CCDC148: variants seen among roughly 807,000 people sequenced by gnomAD.
CCDC148 encodes coiled-coil domain containing 148.
A neutral mutation model predicts 85.7 loss-of-function variants in CCDC148; 89 were observed. The ratio of observed to expected loss-of-function variants is 1.04; its 90% CI spans 0.87 to 1.24. CCDC148 has a LOEUF of 1.24. Among genes scored for constraint, CCDC148 ranks in the 50% most tolerant of loss-of-function variants. CCDC148 has a pLI of 0.00. For synonymous variants in CCDC148, 230 were observed against 213.9 expected (o/e 1.08, Z -0.66); for missense variants, 692 against 671.7 (o/e 1.03, Z -0.33).
intron 1 of CCDC148, among the ~76,000 whole-genome samples, chr2:158,376,990 G>C (rs1181143016): frequency 6.6e-6 from 1 of 151,930 alleles, no homozygotes; most frequent in East Asian, 1.9e-4. Context: ...TGAGGAGAGG[G>C]GCTGAATGGG....
At chr2:158,324,985 C>T (rs1376163503) in intron 7 of CCDC148, among the ~76,000 whole-genome samples, 1 of 151,900 alleles carries the variant, frequency 6.6e-6, no homozygotes, top group African/African-American at 2.4e-5. Flanking sequence ...CCTTACAACT[C>T]CAAGGCATCA....
chr2:158,369,523 A>T (rs779319157), intron 1 of CCDC148, among the ~76,000 whole-genome samples: 1 of 152,166 alleles, frequency 6.6e-6, no homozygotes, highest in African/African-American at 2.4e-5. Flanking sequence ...ATGATTTTGT[A>T]TCCTGAGACT....
Position 158,353,146 on chromosome 2 carries a change from G to T in CCDC148, c.147+5303C>A, listed in dbSNP as rs1441780873. ...CATGCCAAAATGTAAAGACCATCGA[G>T]ACTAGGAAGAAACTGCATCAACTAA... is the stretch of plus-strand genomic sequence containing the variant. On this transcript the variant is annotated intron_variant, in intron 2 of 13. Transcript: ENST00000283233. Among the ~76,000 whole-genome samples the T allele has an allele frequency of 1.3e-3, 184 of 146,764 alleles. 1 individual carries two copies. Among genetic ancestry groups the T allele is most frequent in the Non-Finnish European group, 2.1e-3 (142 of 67,172 alleles).
chr2:158,207,278 C>G lies in CCDC148; in HGVS notation c.1370+13317G>C, dbSNP rs188401751. ...AGATAGCCAATTGAAGACTCCACTACAGAACGAACTGGGAAGCAATATTTT... is the reference window on the plus strand; with the variant it reads ...AGATAGCCAATTGAAGACTCCACTAGAGAACGAACTGGGAAGCAATATTTT... On this transcript the variant is annotated intron_variant, in intron 11 of 13. Transcript: ENST00000283233. Among the ~76,000 whole-genome samples, 42 of 152,254 alleles carry G rather than the reference C, an allele frequency of 2.8e-4. 1 individual carries two copies. Among genetic ancestry groups the G allele is most frequent in the African/African-American group, 9.9e-4 (41 of 41,556 alleles).
At chr2:158,276,147 C>A (rs1045136856) in intron 9 of CCDC148, among the ~76,000 whole-genome samples, 1 of 152,130 alleles carries the variant, frequency 6.6e-6, no homozygotes, top group Non-Finnish European at 1.5e-5. Context: ...GCATTAAAAA[C>A]CGCCTTGCCT....
At chr2:158,382,013 C>T (rs530124743) in intron 1 of CCDC148, among the ~76,000 whole-genome samples, 26 of 152,220 alleles carry the variant, frequency 1.7e-4, no homozygotes, top group African/African-American at 6.0e-4. Flanking sequence ...ATGAGGGCTT[C>T]TTTCTTCTGA....
chr2:158,284,339 T>TA (rs963215700), intron 9 of CCDC148, among the ~76,000 whole-genome samples: 1 of 151,912 alleles, frequency 6.6e-6, no homozygotes, highest in African/African-American at 2.4e-5. Flanking sequence ...TCTGCTAAAC[T>TA]AAAAAATAAC....
chr2:158,361,126 A>G (rs1298365770), intron 1 of CCDC148, among the ~76,000 whole-genome samples: 2 of 152,012 alleles, frequency 1.3e-5, no homozygotes, highest in Admixed American at 1.3e-4. Context: ...GATTAGAGAA[A>G]AGAGAATGAA....
At chr2:158,434,053 T>C (rs577386018) in intron 1 of CCDC148, among the ~76,000 whole-genome samples, 107 of 152,252 alleles carry the variant, frequency 7.0e-4, no homozygotes, top group Non-Finnish European at 1.1e-3. Context: ...GCACAGCCTA[T>C]CTGAGCAAAA....
At chr2:158,287,152 T>G (rs1690665073) in intron 9 of CCDC148, among the ~76,000 whole-genome samples, 1 of 152,150 alleles carries the variant, frequency 6.6e-6, no homozygotes. Flanking sequence ...AGGAAAGACC[T>G]GCCCCATGAT....
intron 9 of CCDC148, among the ~76,000 whole-genome samples, chr2:158,299,312 T>C (rs1369786393): frequency 6.6e-6 from 1 of 152,216 alleles, no homozygotes; most frequent in Non-Finnish European, 1.5e-5. Context: ...ATCCTGCACA[T>C]TCAGAACTTA....
intron 9 of CCDC148, among the ~76,000 whole-genome samples, chr2:158,302,907 C>T (rs557167141): frequency 6.6e-6 from 1 of 152,182 alleles, no homozygotes; most frequent in African/African-American, 2.4e-5. Flanking sequence ...TCGGGGAAAA[C>T]TTGGGGGATC....
At chr2:158,247,699 T>C (rs1688624500) in intron 10 of CCDC148, among the ~76,000 whole-genome samples, 2 of 151,924 alleles carry the variant, frequency 1.3e-5, no homozygotes, top group African/African-American at 2.4e-5. Context: ...CTACTAAAAA[T>C]ACAAAAATTA....
At chr2:158,217,488 C>T (rs750425457) in intron 11 of CCDC148, among the ~76,000 whole-genome samples, 27 of 151,574 alleles carry the variant, frequency 1.8e-4, no homozygotes, top group Admixed American at 1.2e-3. Context: ...CTGCAAGCTC[C>T]GCCTCCTGGG....
At chr2:158,295,278 C>T (rs934116990) in intron 9 of CCDC148, among the ~76,000 whole-genome samples, 9 of 151,972 alleles carry the variant, frequency 5.9e-5, no homozygotes, top group Non-Finnish European at 1.0e-4. Flanking sequence ...GATTCACAGC[C>T]GAATTCTACC....
At chr2:158,310,230 C>T (rs540890397) in intron 8 of CCDC148, among the ~76,000 whole-genome samples, 10 of 152,088 alleles carry the variant, frequency 6.6e-5, no homozygotes, top group South Asian at 4.1e-4. Flanking sequence ...TCAGAGAGCA[C>T]GGGGTTGGGG....
chr2:158,231,351 C>T (rs1687850244), intron 10 of CCDC148, among the ~76,000 whole-genome samples: 1 of 152,134 alleles, frequency 6.6e-6, no homozygotes, highest in Admixed American at 6.6e-5. Flanking sequence ...TCTCCTGAGC[C>T]TTCTAGAAAA....
chr2:158,444,377 T>A (rs971587112), intron 1 of CCDC148, among the ~76,000 whole-genome samples: 4 of 152,166 alleles, frequency 2.6e-5, no homozygotes, highest in Non-Finnish European at 5.9e-5. Context: ...TCTATAATTT[T>A]AGAAAGCTCA....
chr2:158,286,294 T>C (rs936601604), intron 9 of CCDC148, among the ~76,000 whole-genome samples: 3 of 152,170 alleles, frequency 2.0e-5, no homozygotes, highest in Non-Finnish European at 4.4e-5. Flanking sequence ...GCTCTGCCTA[T>C]GGAGTAGCCA....
Sources: gnomAD v4.1 joint callset for allele counts (sites outside exome capture counted in the v4.1 genomes callset) on GRCh38, gnomAD v4.1.1 for gene constraint, MANE v1.5 for transcripts, NCBI Gene and HGNC (gene_info 2026-07-23, HGNC 2026-07-21) for gene names.